PIK3C2B: variants seen among roughly 807,000 people sequenced by gnomAD.
PIK3C2B encodes phosphatidylinositol-4-phosphate 3-kinase catalytic subunit type 2 beta, also known as phosphatidylinositol 4-phosphate 3-kinase C2 domain-containing subunit beta.
Under a neutral mutation model 184.3 loss-of-function variants are expected in PIK3C2B, and 83 were observed. The observed-to-expected ratio is 0.45, with a 90% CI of 0.38 to 0.54. The LOEUF is 0.54. Ranked by LOEUF, PIK3C2B falls within the 20% of genes least tolerant of loss-of-function variation. PIK3C2B has a pLI of 0.00. For missense variants in PIK3C2B, 1,736 were observed against 2,113.5 expected (o/e 0.82, Z 3.50); for synonymous variants, 779 against 837.6 (o/e 0.93, Z 1.21).
At chr1:204,452,586 C>T (rs577572138) in intron 12 of PIK3C2B, among the ~76,000 whole-genome samples, 1 of 150,974 alleles carries the variant, frequency 6.6e-6, no homozygotes, top group East Asian at 2.0e-4. Context: ...TATCCTCTGC[C>T]TGCAAGGAGT....
intron 12 of PIK3C2B, among the ~76,000 whole-genome samples, chr1:204,451,913 G>A (rs567056219): frequency 6.6e-6 from 1 of 152,308 alleles, no homozygotes; most frequent in South Asian, 2.1e-4. Flanking sequence ...CAATCCTGTA[G>A]GGTAGGCCCT....
intron 29 of PIK3C2B, 72 bp downstream of exon 29, chr1:204,429,848 GA>G: frequency 2.1e-6 from 2 of 963,382 alleles, no homozygotes; most frequent in Non-Finnish European, 3.3e-6. Context: ...AGTGCCTCCG[GA>G]TGCTTCCACC....
Position 204,460,587 on chromosome 1 carries a change from A to G in PIK3C2B, c.1385T>C (p.Met462Thr). ...GTCACTGCGCACAACCTTCTGCTCC[A>G]TCAGCTGTAGCCGAATGTCAATGTC... Reference protein sequence around the residue: ...KFDIDIRLQLMEQKVVRSDLA... With the variant: ...KFDIDIRLQLTEQKVVRSDLA... Residue 462 changes from methionine (M) to threonine (T), a missense_variant, in exon 6 of 33, where the codon ATG becomes ACG. Physicochemically the swap from Met to Thr is moderately conservative, Grantham distance 81. Coordinates refer to ENST00000684373, the MANE Select transcript of PIK3C2B (RefSeq NM_001377334.1). The G allele has an allele frequency of 6.2e-7, 1 of 1,614,036 alleles. No homozygotes were observed. The highest frequency in any genetic ancestry group is 1.1e-5 in the South Asian group (1 of 91,074).
At chr1:204,478,436 C>T (rs1241657845) in intron 1 of PIK3C2B, among the ~76,000 whole-genome samples, 1 of 152,346 alleles carries the variant, frequency 6.6e-6, no homozygotes, top group South Asian at 2.1e-4. Context: ...AGCCGGCTCC[C>T]CCAGCCTCCA....
intron 5 of PIK3C2B, among the ~76,000 whole-genome samples, chr1:204,460,948 G>A (rs1447588897): frequency 1.3e-5 from 2 of 152,168 alleles, no homozygotes; most frequent in Non-Finnish European, 2.9e-5. Context: ...TTCACTCCAG[G>A]GCTGGGAACT....
At chr1:204,476,388 GA>G (rs898801710) in intron 1 of PIK3C2B, among the ~76,000 whole-genome samples, 109 of 151,796 alleles carry the variant, frequency 7.2e-4, no homozygotes, top group Middle Eastern at 3.4e-3. Flanking sequence ...CCTATGGGGG[GA>G]AAAAAAATTA....
Position 204,449,275 on chromosome 1 carries a change from C to T in PIK3C2B, c.2256G>A (p.Lys752=). 6.2e-7 allele frequency: 1 copy of T among 1,611,868 alleles called. No individual in the cohort carries two copies. The highest frequency in any genetic ancestry group is 8.5e-7 in the Non-Finnish European group (1 of 1,179,146). Residue 752 remains lysine, a synonymous_variant, in exon 14 of 33, where the codon AAG becomes AAA. Coordinates refer to ENST00000684373, the MANE Select transcript of PIK3C2B (RefSeq NM_001377334.1). ...GTGTTGCTGGCCACAAACCCAGAAGCTTCCGGCCACAGGTCAGGACCCTAA... is the reference window on the plus strand; with the variant it reads ...GTGTTGCTGGCCACAAACCCAGAAGTTTCCGGCCACAGGTCAGGACCCTAA... The part of the protein sequence containing the change: ...NFRQVLTCGR[K]LLGLWPATQE...
At chr1:204,484,130 G>A (rs1388258082) in intron 1 of PIK3C2B, among the ~76,000 whole-genome samples, 6 of 152,166 alleles carry the variant, frequency 3.9e-5, no homozygotes, top group African/African-American at 1.4e-4. Flanking sequence ...GGGGAGACAG[G>A]AGGGAAGACT....
intron 20 of PIK3C2B, 77 bp downstream of exon 20, chr1:204,442,449 T>G: frequency 1.1e-6 from 1 of 927,806 alleles, no homozygotes; most frequent in Non-Finnish European, 1.7e-6. Flanking sequence ...TCCTCGACCT[T>G]GCATGCCTGG....
At chr1:204,429,885 G>T (rs758054754) in intron 29 of PIK3C2B, 36 bp downstream of exon 29, 1 of 1,366,210 alleles carries the variant, frequency 7.3e-7, no homozygotes, top group Admixed American at 1.7e-5. Flanking sequence ...ATCCCCACCA[G>T]CCTGGACAGC....
In PIK3C2B at chr1:204,469,252, G is replaced by T; in HGVS notation, c.551C>A (p.Ser184Tyr). Residue 184 changes from serine (S) to tyrosine (Y), a missense_variant, in exon 2 of 33, where the codon TCC becomes TAC. Transcript: ENST00000684373. ...RKGSPSSSKI[S>Y]QPSDINTFSL... ...GAAAGTGTTGATGTCACTGGGCTGG[G>T]AGATCTTGGAGGATGAGGGGGACCC... 1 of 1,575,204 alleles carries T rather than the reference G, an allele frequency of 6.3e-7. No individual in the cohort carries two copies. The highest frequency in any genetic ancestry group is 8.6e-7 in the Non-Finnish European group (1 of 1,158,590).
chr1:204,429,856 C>T, intron 29 of PIK3C2B, 65 bp downstream of exon 29: 1 of 1,064,470 alleles, frequency 9.4e-7, no homozygotes, highest in Non-Finnish European at 1.5e-6. Flanking sequence ...CGGATGCTTC[C>T]ACCTCTGCCT....
Position 204,430,006 on chromosome 1 carries a change from C to A in PIK3C2B, c.4313G>T (p.Arg1438Leu). 1 of 1,610,724 alleles carries A rather than the reference C, an allele frequency of 6.2e-7. No homozygotes were observed. Among genetic ancestry groups the A allele is most frequent in the Non-Finnish European group, 8.5e-7 (1 of 1,179,798 alleles). ...FPSRFVIGRS[R>L]GEAVAERRRE... ...CCGCCGCTCGGCCACCGCCTCTCCC[C>A]GGGAGCGGCCGATCACGAAGCGACT... Residue 1438 changes from arginine (R) to leucine (L), a missense_variant, in exon 29 of 33, where the codon CGG (arginine) becomes CTG (leucine). Arg to Leu is a moderately radical substitution (Grantham distance 102). This residue lies in a region of PIK3C2B where 200 missense variants were observed against 199.1 expected (regional missense o/e 1.00). Transcript: ENST00000684373.
At chr1:204,468,548 T>A (rs573182546) in intron 2 of PIK3C2B, among the ~76,000 whole-genome samples, 2 of 152,240 alleles carry the variant, frequency 1.3e-5, no homozygotes, top group Non-Finnish European at 2.9e-5. Context: ...CAATAATGAA[T>A]CCCATAACTC....
intron 31 of PIK3C2B, 67 bp from the exon 32 acceptor site, chr1:204,425,808 G>A (rs1674712285): frequency 1.4e-6 from 2 of 1,451,490 alleles, no homozygotes; most frequent in Non-Finnish European, 1.9e-6. Context: ...CACCATTCCT[G>A]TGATCACACT....
At chr1:204,430,350 CTTT>C (rs563387033) in intron 28 of PIK3C2B, among the ~76,000 whole-genome samples, 4 of 145,224 alleles carry the variant, frequency 2.8e-5, no homozygotes, top group African/African-American at 1.0e-4. Context: ...TGTAAAAATC[CTTT>C]TTTTTTTTTT....
At position 204,423,442 on chromosome 1, in the gene PIK3C2B, G is replaced by C. The variant is rs563375046; in HGVS notation, c.*1410C>G. 7.7e-6 allele frequency: 1 copy of C among 129,660 alleles called. No individual in the cohort carries two copies. Among genetic ancestry groups the C allele is most frequent in the Non-Finnish European group, 1.6e-5 (1 of 64,438 alleles). The allele number at this position is 129,660 out of a possible 1,614,324, so 8.0% of individuals were successfully genotyped here. On this transcript the variant is annotated 3_prime_UTR_variant, in exon 33 of 33. Coordinates refer to ENST00000684373, the MANE Select transcript of PIK3C2B (RefSeq NM_001377334.1). ...CAGCCTGGCGACAGGGCGAGACTCC[G>C]TCTCCAAAAAAAAAAAAAAAAATCC...
intron 20 of PIK3C2B, 146 bp downstream of exon 20, chr1:204,442,380 G>A: frequency 1.7e-6 from 1 of 600,952 alleles, no homozygotes; most frequent in Non-Finnish European, 3.0e-6. Flanking sequence ...CTGAGGAAAA[G>A]ATGCTAGGCC....
chr1:204,433,889 C>A lies in PIK3C2B; in HGVS notation c.3747G>T (p.Lys1249Asn), dbSNP rs762611948. The A allele has an allele frequency of 6.2e-7, 1 of 1,614,062 alleles. No individual in the cohort carries two copies. Among genetic ancestry groups the A allele is most frequent in the Admixed American group, 1.7e-5 (1 of 60,016 alleles). ...CAAAATCATGGAAGCGGCTGGAAGG[C>A]TTGTCACCCCCGTTGATGACATACG... ...DMAYVINGGD[K>N]PSSRFHDFVD... The change falls in exon 25 of 33, where the codon AAG becomes AAT. Residue 1249 changes from lysine (K) to asparagine (N), a missense_variant. This residue lies in a region of PIK3C2B where 119 missense variants were observed against 179.3 expected (regional missense o/e 0.66). Coordinates refer to ENST00000684373, the MANE Select transcript of PIK3C2B (RefSeq NM_001377334.1). The surrounding 1 kb of genome is among the most constrained non-coding windows in gnomAD (Gnocchi z 5.0).
Sources: gnomAD v4.1 joint callset for allele counts (sites outside exome capture counted in the v4.1 genomes callset) on GRCh38, gnomAD v4.1.1 for gene constraint, gnomAD v4.1.1 regional missense constraint, Gnocchi (gnomAD v3.1) non-coding constraint, MANE v1.5 for transcripts, NCBI Gene and HGNC (gene_info 2026-07-23, HGNC 2026-07-21) for gene names.